The following PTPRM variants were observed in gnomAD, a reference collection of about 807,000 sequenced individuals.
PTPRM encodes the protein receptor-type tyrosine-protein phosphatase mu.
Under a neutral mutation model 186.7 loss-of-function variants are expected in PTPRM, and 47 were observed. The observed-to-expected ratio is 0.25, with a 90% CI of 0.20 to 0.32. The LOEUF is 0.32. Ranked by LOEUF, PTPRM falls within the 10% of genes least tolerant of loss-of-function variation. PTPRM has a pLI of 1.00. For synonymous variants in PTPRM, 668 were observed against 674.9 expected (o/e 0.99, Z 0.16); for missense variants, 1,494 against 1,865.0 (o/e 0.80, Z 3.66).
chr18:8,163,841 C>T (rs923365220), intron 14 of PTPRM, among the ~76,000 whole-genome samples: 5 of 152,214 alleles, frequency 3.3e-5, no homozygotes, highest in African/African-American at 1.2e-4. Flanking sequence ...CTATGACTTA[C>T]ACAATTTTGA....
intron 13 of PTPRM, 91 bp from the exon 14 acceptor site, chr18:8,143,556 C>CTCTGTTAAA: frequency 7.3e-7 from 1 of 1,369,300 alleles, no homozygotes; most frequent in Middle Eastern, 1.8e-4. Flanking sequence ...AGTCTTATTA[C>CTCTGTTAAA]TCTGTTAAAT....
chr18:8,212,189 T>C (rs998574986), intron 14 of PTPRM, among the ~76,000 whole-genome samples: 2 of 152,122 alleles, frequency 1.3e-5, no homozygotes, highest in African/African-American at 4.8e-5. Context: ...AGGACCAAGA[T>C]GGCTTCCAAG....
At chr18:8,338,983 G>A (rs746953892) in intron 22 of PTPRM, among the ~76,000 whole-genome samples, 21 of 152,034 alleles carry the variant, frequency 1.4e-4, no homozygotes, top group Admixed American at 7.2e-4. Context: ...GTTGTGTTAC[G>A]TGGATATATT....
intron 14 of PTPRM, among the ~76,000 whole-genome samples, chr18:8,239,665 C>T (rs1228723295): frequency 6.6e-6 from 1 of 152,168 alleles, no homozygotes; most frequent in African/African-American, 2.4e-5. Flanking sequence ...CTTTTGGTCT[C>T]TCCAATTTGG....
chr18:8,256,293 A>G (rs2094574100), intron 19 of PTPRM, among the ~76,000 whole-genome samples: 1 of 152,166 alleles, frequency 6.6e-6, no homozygotes, highest in Non-Finnish European at 1.5e-5. Flanking sequence ...CCTGTATTCA[A>G]ACTCAGCTCT....
chr18:7,957,173 C>CTTTT (rs79379767), intron 7 of PTPRM, among the ~76,000 whole-genome samples: 9 of 136,678 alleles, frequency 6.6e-5, no homozygotes, highest in African/African-American at 1.9e-4. Context: ...CAGTCCTGTT[C>CTTTT]TTTTTTTTTT....
intron 26 of PTPRM, 116 bp downstream of exon 26, chr18:8,376,713 C>T: frequency 8.0e-7 from 1 of 1,247,804 alleles, no homozygotes; most frequent in African/African-American, 1.5e-5. Context: ...AAGTGATCTA[C>T]CTGGCATTCC....
chr18:7,613,471 A>G (rs1046197241), intron 1 of PTPRM, among the ~76,000 whole-genome samples: 1 of 152,160 alleles, frequency 6.6e-6, no homozygotes, highest in Non-Finnish European at 1.5e-5. Flanking sequence ...TCAGGAGATC[A>G]AGACCATCCT....
chr18:8,310,726 T>G (rs931793408), intron 20 of PTPRM, among the ~76,000 whole-genome samples: 23 of 152,174 alleles, frequency 1.5e-4, no homozygotes, highest in Non-Finnish European at 3.4e-4. Flanking sequence ...AAGCAATGAC[T>G]GTTTAATGTG....
intron 21 of PTPRM, among the ~76,000 whole-genome samples, chr18:8,317,892 G>C (rs942359714): frequency 2.0e-4 from 30 of 152,168 alleles, no homozygotes; most frequent in African/African-American, 6.0e-4. Flanking sequence ...AGTCAAGCAA[G>C]GTTGTTGCCC....
chr18:8,022,408 AG>A (rs2085291002), intron 7 of PTPRM, among the ~76,000 whole-genome samples: 1 of 152,220 alleles, frequency 6.6e-6, no homozygotes, highest in Non-Finnish European at 1.5e-5. Flanking sequence ...AAGGCATGGA[AG>A]CTTGGAAAGC....
intron 2 of PTPRM, among the ~76,000 whole-genome samples, chr18:7,866,886 A>G (rs1325276906): frequency 6.6e-6 from 1 of 152,128 alleles, no homozygotes; most frequent in East Asian, 1.9e-4. Context: ...TCGGGTGCAT[A>G]TATTTTTAGG....
At chr18:7,592,789 T>C (rs1357174923) in intron 1 of PTPRM, among the ~76,000 whole-genome samples, 1 of 152,134 alleles carries the variant, frequency 6.6e-6, no homozygotes, top group Non-Finnish European at 1.5e-5. Flanking sequence ...GATTGATAAA[T>C]ACAAAGGCAG....
chr18:7,597,062 C>T (rs2143697711), intron 1 of PTPRM, among the ~76,000 whole-genome samples: 1 of 152,264 alleles, frequency 6.6e-6, no homozygotes, highest in Admixed American at 6.5e-5. Flanking sequence ...GCCACGTTGG[C>T]TAGGCTGGAA....
intron 13 of PTPRM, among the ~76,000 whole-genome samples, chr18:8,140,484 T>G (rs1391707361): frequency 6.6e-6 from 1 of 150,478 alleles, no homozygotes; most frequent in East Asian, 1.9e-4. Context: ...ATACTAGATG[T>G]TATAACTGAA....
chr18:8,000,630 T>C (rs1232624304), intron 7 of PTPRM, among the ~76,000 whole-genome samples: 1 of 152,222 alleles, frequency 6.6e-6, no homozygotes, highest in African/African-American at 2.4e-5. Context: ...AATAAATATT[T>C]ATGTTCACGG....
intron 14 of PTPRM, among the ~76,000 whole-genome samples, chr18:8,171,197 TA>T (rs2093396032): frequency 6.6e-6 from 1 of 152,184 alleles, no homozygotes; most frequent in South Asian, 2.1e-4. Flanking sequence ...GAACTTTTTT[TA>T]AAAAGTTGCA....
intron 1 of PTPRM, among the ~76,000 whole-genome samples, chr18:7,583,157 C>T (rs1450070071): frequency 6.6e-6 from 1 of 152,216 alleles, no homozygotes; most frequent in African/African-American, 2.4e-5. Flanking sequence ...TCCTCAGCCC[C>T]AGTTTTTCTT....
intron 14 of PTPRM, among the ~76,000 whole-genome samples, chr18:8,215,091 C>G (rs2094061410): frequency 6.6e-6 from 1 of 152,098 alleles, no homozygotes; most frequent in South Asian, 2.1e-4. Flanking sequence ...TTCCCTACAT[C>G]CAGAACTGGG....
Sources: allele counts gnomAD v4.1 joint callset (sites outside exome capture counted in the v4.1 genomes callset), GRCh38; gene constraint gnomAD v4.1.1; transcripts MANE v1.5; gene names NCBI Gene and HGNC (gene_info 2026-07-23, HGNC 2026-07-21).